Variants in SAXO1 observed in about 807,000 individuals in gnomAD.
The protein encoded by SAXO1 is stabilizer of axonemal microtubules 1.
A neutral mutation model predicts 17.5 loss-of-function variants in SAXO1; 21 were observed. The observed-to-expected ratio is 1.20, with a 90% confidence interval of 0.85 to 1.72. The LOEUF (loss-of-function observed/expected upper bound fraction) is 1.72, where lower values mean the gene tolerates loss of function less well. Among genes scored for constraint, SAXO1 ranks in the 40% most tolerant of loss-of-function variants. SAXO1 has a pLI of 0.00. For synonymous variants in SAXO1, 274 were observed against 216.5 expected, an observed-to-expected ratio of 1.27 and a Z score of -2.33; for missense variants, 843 against 596.0, an observed-to-expected ratio of 1.41 and a Z score of -4.32.
chr9:18,986,191 C>T (rs1168675277), intron 1 of SAXO1, among the ~76,000 whole-genome samples: 1 of 152,232 alleles, frequency 6.6e-6, no homozygotes, highest in Non-Finnish European at 1.5e-5. Context: ...GCTACTACTA[C>T]ATATCCTTCA....
At chr9:18,955,429 T>G (rs1832217104) in intron 1 of SAXO1, among the ~76,000 whole-genome samples, 1 of 152,198 alleles carries the variant, frequency 6.6e-6, no homozygotes, top group South Asian at 2.1e-4. Context: ...CAGCCACATA[T>G]GGTAGTGGCT....
chr9:19,012,059 T>C (rs1453041557), intron 1 of SAXO1, among the ~76,000 whole-genome samples: 1 of 152,070 alleles, frequency 6.6e-6, no homozygotes, highest in Non-Finnish European at 1.5e-5. Context: ...TTGGCCAGGA[T>C]GGTCTCGATC....
chr9:19,002,512 C>A (rs1472128344), intron 1 of SAXO1, among the ~76,000 whole-genome samples: 4 of 152,146 alleles, frequency 2.6e-5, no homozygotes, highest in Admixed American at 6.5e-5. Flanking sequence ...ACTGGCAAAC[C>A]AAATCCAGCA....
At chr9:19,013,757 G>C (rs1834851849) in intron 1 of SAXO1, among the ~76,000 whole-genome samples, 1 of 151,986 alleles carries the variant, frequency 6.6e-6, no homozygotes, top group Non-Finnish European at 1.5e-5. Flanking sequence ...ATGTTGGCCA[G>C]GCTGGTCTTG....
At chr9:18,998,172 A>G (rs1178165456) in intron 1 of SAXO1, among the ~76,000 whole-genome samples, 1 of 152,158 alleles carries the variant, frequency 6.6e-6, no homozygotes, top group Non-Finnish European at 1.5e-5. Context: ...TCTCCCAGCT[A>G]AAGGAGTATG....
intron 1 of SAXO1, among the ~76,000 whole-genome samples, chr9:19,017,900 G>C (rs1237584685): frequency 1.3e-5 from 2 of 152,180 alleles, no homozygotes; most frequent in African/African-American, 4.8e-5. Context: ...GTGCACAGTG[G>C]CTCACGCTTG....
chr9:18,972,465 T>G (rs903027198), intron 1 of SAXO1, among the ~76,000 whole-genome samples: 1 of 152,244 alleles, frequency 6.6e-6, no homozygotes, highest in Non-Finnish European at 1.5e-5. Context: ...ATATGAATAT[T>G]TGACATTTGC....
At chr9:18,945,269 C>T (rs566431661) in intron 2 of SAXO1, among the ~76,000 whole-genome samples, 10 of 152,292 alleles carry the variant, frequency 6.6e-5, no homozygotes, top group Non-Finnish European at 1.0e-4. Context: ...CCTTGTTTTC[C>T]AGACCCAACC....
At chr9:18,941,886 A>T (rs1343379181) in intron 2 of SAXO1, 47 bp from the exon 3 acceptor site, 1 of 1,572,588 alleles carries the variant, frequency 6.4e-7, no homozygotes. Context: ...GCTTGCGATA[A>T]GGCTTATGTT....
intron 1 of SAXO1, among the ~76,000 whole-genome samples, chr9:19,042,409 T>C (rs192778737): frequency 1.2e-4 from 18 of 152,282 alleles, no homozygotes; most frequent in Non-Finnish European, 1.9e-4. Flanking sequence ...CTAAAAATGG[T>C]ACTATCATAC....
At chr9:18,986,093 G>T (rs1317390216) in intron 1 of SAXO1, among the ~76,000 whole-genome samples, 1 of 152,100 alleles carries the variant, frequency 6.6e-6, no homozygotes, top group Non-Finnish European at 1.5e-5. Context: ...TTAACTCAAA[G>T]AAATACTAAT....
At chr9:18,946,269 T>A (rs114110217) in intron 2 of SAXO1, among the ~76,000 whole-genome samples, 1,132 of 109,112 alleles carry the variant, frequency 0.01, 6 homozygotes, top group African/African-American at 0.047. Context: ...AGAGCAAAAC[T>A]TCATCTCACC....
chr9:18,958,312 T>G (rs958604563), intron 1 of SAXO1, among the ~76,000 whole-genome samples: 1 of 152,008 alleles, frequency 6.6e-6, no homozygotes, highest in Non-Finnish European at 1.5e-5. Context: ...TAATTCCAGC[T>G]ACTCGGGAGG....
At chr9:19,015,643 CTT>C (rs34096432) in intron 1 of SAXO1, among the ~76,000 whole-genome samples, 66,915 of 142,108 alleles carry the variant, frequency 0.47, 16,307 homozygotes, top group Non-Finnish European at 0.56. Flanking sequence ...ACGCCTGGCC[CTT>C]TTTTTTTTTT....
At chr9:18,971,071 C>G (rs950038188) in intron 1 of SAXO1, among the ~76,000 whole-genome samples, 2 of 152,284 alleles carry the variant, frequency 1.3e-5, no homozygotes, top group East Asian at 1.9e-4. Context: ...CCAGTCCGAC[C>G]TGCACCAGCC....
intron 1 of SAXO1, among the ~76,000 whole-genome samples, chr9:18,976,126 A>T (rs879359680): frequency 2.0e-5 from 3 of 152,244 alleles, no homozygotes; most frequent in Non-Finnish European, 4.4e-5. Context: ...CCATGTGTGC[A>T]CACATATGAC....
At chr9:18,974,834 A>G (rs568652558) in intron 1 of SAXO1, among the ~76,000 whole-genome samples, 3 of 152,340 alleles carry the variant, frequency 2.0e-5, no homozygotes, top group South Asian at 4.1e-4. Context: ...TGGTAGATTC[A>G]GGTGGATTCA....
chr9:18,991,155 G>C (rs1450799729), intron 1 of SAXO1, among the ~76,000 whole-genome samples: 21 of 152,094 alleles, frequency 1.4e-4, no homozygotes, highest in Admixed American at 1.4e-3. Context: ...CTGCTCGAGA[G>C]GCTGAGCCAT....
At chr9:19,011,416 T>C (rs965258914) in intron 1 of SAXO1, among the ~76,000 whole-genome samples, 2 of 152,162 alleles carry the variant, frequency 1.3e-5, no homozygotes, top group South Asian at 2.1e-4. Context: ...AAACAAAACA[T>C]GGCTGAAAGA....
Sources: allele counts gnomAD v4.1 joint callset (sites outside exome capture counted in the v4.1 genomes callset), GRCh38; gene constraint gnomAD v4.1.1; transcripts MANE v1.5; gene names NCBI Gene and HGNC (gene_info 2026-07-23, HGNC 2026-07-21).